Variants in VEGFC observed in about 807,000 individuals in gnomAD.
VEGFC encodes FLT4 ligand DHM.
In VEGFC, 12 loss-of-function variants were observed where a neutral mutation model predicts 46.1. The ratio of observed to expected loss-of-function variants is 0.26; its 90% confidence interval spans 0.17 to 0.42. The LOEUF (loss-of-function observed/expected upper bound fraction) is 0.42. Ranked by LOEUF, VEGFC falls within the 10% of genes least tolerant of loss-of-function variation. VEGFC has a pLI of 1.00. For missense variants in VEGFC, 488 were observed against 529.4 expected (o/e 0.92, Z 0.77); for synonymous variants, 232 against 195.5 (o/e 1.19, Z -1.56).
chr4:176,726,786 T>A (rs547495366), intron 3 of VEGFC, among the ~76,000 whole-genome samples: 2 of 152,336 alleles, frequency 1.3e-5, no homozygotes, highest in South Asian at 2.1e-4. Flanking sequence ...AAAGTTTGCA[T>A]AAAATTAAAA....
intron 1 of VEGFC, among the ~76,000 whole-genome samples, chr4:176,757,245 A>G (rs1735447847): frequency 1.3e-5 from 2 of 152,094 alleles, no homozygotes; most frequent in African/African-American, 4.8e-5. Flanking sequence ...GTTAGGGGCC[A>G]TAAAGGAACA....
chr4:176,732,618 T>G (rs1579111686), intron 1 of VEGFC, among the ~76,000 whole-genome samples: 1 of 151,486 alleles, frequency 6.6e-6, no homozygotes, highest in South Asian at 2.1e-4. Context: ...TCCGTGAAAG[T>G]GGATGGAAAG....
At chr4:176,764,517 GA>G (rs1208957207) in intron 1 of VEGFC, among the ~76,000 whole-genome samples, 1 of 152,148 alleles carries the variant, frequency 6.6e-6, no homozygotes, top group Non-Finnish European at 1.5e-5. Flanking sequence ...AATATCTTCT[GA>G]AAAGCACAAG....
intron 4 of VEGFC, among the ~76,000 whole-genome samples, chr4:176,690,655 A>T (rs9654288): frequency 0.23 from 35,154 of 152,116 alleles, 6,721 homozygotes; most frequent in African/African-American, 0.53. Context: ...TCCTCTTGAT[A>T]GTTAGCATCC....
intron 1 of VEGFC, among the ~76,000 whole-genome samples, chr4:176,782,490 T>G (rs1450598643): frequency 6.7e-6 from 1 of 149,304 alleles, no homozygotes; most frequent in Non-Finnish European, 1.5e-5. Flanking sequence ...AATTTTTAAA[T>G]AAAAAAAAGT....
At chr4:176,782,198 G>A (rs148769973) in intron 1 of VEGFC, among the ~76,000 whole-genome samples, 1,775 of 152,320 alleles carry the variant, frequency 0.012, 19 homozygotes, top group Non-Finnish European at 0.019. Flanking sequence ...CTGGAACAGC[G>A]GCTCATGCCT....
At chr4:176,769,442 A>T (rs1267012721) in intron 1 of VEGFC, among the ~76,000 whole-genome samples, 2 of 152,146 alleles carry the variant, frequency 1.3e-5, no homozygotes, top group African/African-American at 4.8e-5. Context: ...AAGTTCTAAT[A>T]ACTGTTGGCT....
chr4:176,788,703 C>A (rs1401140064), intron 1 of VEGFC, among the ~76,000 whole-genome samples: 1 of 152,138 alleles, frequency 6.6e-6, no homozygotes, highest in African/African-American at 2.4e-5. Flanking sequence ...AAAATTCAAA[C>A]CTTGAAGTAT....
At chr4:176,702,651 C>T (rs776439733) in intron 4 of VEGFC, among the ~76,000 whole-genome samples, 7 of 152,048 alleles carry the variant, frequency 4.6e-5, no homozygotes, top group African/African-American at 9.7e-5. Context: ...GTGCACAGAA[C>T]GTGTTATTTT....
At chr4:176,774,040 C>T (rs1434028615) in intron 1 of VEGFC, among the ~76,000 whole-genome samples, 1 of 151,916 alleles carries the variant, frequency 6.6e-6, no homozygotes, top group African/African-American at 2.4e-5. Flanking sequence ...AGAAAATTCA[C>T]TTATAGAGGC....
intron 3 of VEGFC, among the ~76,000 whole-genome samples, chr4:176,716,067 C>T (rs961851502): frequency 1.3e-5 from 2 of 152,138 alleles, no homozygotes; most frequent in African/African-American, 2.4e-5. Context: ...TCTCTTCCTC[C>T]TCTTCTTTCT....
At chr4:176,748,005 G>C (rs1735284759) in intron 1 of VEGFC, among the ~76,000 whole-genome samples, 1 of 151,622 alleles carries the variant, frequency 6.6e-6, no homozygotes, top group Non-Finnish European at 1.5e-5. Context: ...CAAATTTTTA[G>C]AACAATTCCT....
intron 3 of VEGFC, among the ~76,000 whole-genome samples, chr4:176,721,692 C>T (rs540054800): frequency 1.3e-5 from 2 of 152,138 alleles, no homozygotes; most frequent in African/African-American, 4.8e-5. Flanking sequence ...TTTACTAAGA[C>T]ACAGAACACT....
intron 1 of VEGFC, among the ~76,000 whole-genome samples, chr4:176,780,315 G>A (rs1383868896): frequency 6.8e-6 from 1 of 146,354 alleles, no homozygotes; most frequent in Non-Finnish European, 1.5e-5. Flanking sequence ...CCGGGAGGCG[G>A]AGGTTGCAGT....
At chr4:176,732,145 A>C (rs1734979276) in intron 1 of VEGFC, among the ~76,000 whole-genome samples, 1 of 151,966 alleles carries the variant, frequency 6.6e-6, no homozygotes, top group African/African-American at 2.4e-5. Flanking sequence ...TACATAATGG[A>C]TAAAAATGGA....
chr4:176,725,365 G>A (rs1269954303), intron 3 of VEGFC, among the ~76,000 whole-genome samples: 3 of 152,118 alleles, frequency 2.0e-5, no homozygotes, highest in Admixed American at 2.0e-4. Context: ...GTGCAGTGGT[G>A]CAATCCTAGC....
intron 3 of VEGFC, among the ~76,000 whole-genome samples, chr4:176,722,499 G>GTTT (rs796817880): frequency 3.8e-5 from 4 of 104,682 alleles, no homozygotes; most frequent in Admixed American, 1.0e-4. Flanking sequence ...TTTTTTTTTT[G>GTTT]TTTTTTTTTT....
intron 1 of VEGFC, among the ~76,000 whole-genome samples, chr4:176,742,827 T>C (rs1735198502): frequency 6.6e-6 from 1 of 152,056 alleles, no homozygotes; most frequent in Non-Finnish European, 1.5e-5. Context: ...AAGTCTTGTT[T>C]ATGATGATGT....
At chr4:176,787,671 T>C (rs1736026324) in intron 1 of VEGFC, among the ~76,000 whole-genome samples, 1 of 151,634 alleles carries the variant, frequency 6.6e-6, no homozygotes, top group Non-Finnish European at 1.5e-5. Flanking sequence ...ATAAAAACAG[T>C]CTCTGCTTTC....
Sources: gnomAD v4.1 joint callset for allele counts (sites outside exome capture counted in the v4.1 genomes callset) on GRCh38, gnomAD v4.1.1 for gene constraint, MANE v1.5 for transcripts, NCBI Gene and HGNC (gene_info 2026-07-23, HGNC 2026-07-21) for gene names.